The following NELL1 variants were observed in gnomAD, a reference collection of about 807,000 sequenced individuals.
The protein encoded by NELL1 is neural EGFL like 1, also known as protein kinase C-binding protein NELL1.
NELL1 carries 76 observed loss-of-function variants against 107.4 expected under a neutral mutation model. That is an observed-to-expected ratio of 0.71 (90% CI 0.59 to 0.86). NELL1 has a LOEUF of 0.86. Among genes scored for constraint, NELL1 ranks in the 40% least tolerant of loss-of-function variants. The pLI is 0.00. For missense variants in NELL1, 1,024 were observed against 1,005.5 expected (o/e 1.02, Z -0.25); for synonymous variants, 353 against 341.2 (o/e 1.03, Z -0.38).
intron 2 of NELL1, among the ~76,000 whole-genome samples, chr11:20,699,554 T>G (rs761930192): frequency 6.6e-6 from 1 of 152,040 alleles, no homozygotes; most frequent in Non-Finnish European, 1.5e-5. Context: ...GAGATGGAGT[T>G]TCACCATATT....
chr11:21,350,069 T>G (rs2133718462), intron 14 of NELL1, among the ~76,000 whole-genome samples: 1 of 152,236 alleles, frequency 6.6e-6, no homozygotes, highest in South Asian at 2.1e-4. Flanking sequence ...GCTTCAAACT[T>G]TTATATCCAG....
chr11:21,010,329 C>T (rs149917196), intron 12 of NELL1, among the ~76,000 whole-genome samples: 457 of 152,044 alleles, frequency 3.0e-3, no homozygotes, highest in African/African-American at 5.5e-3. Flanking sequence ...TTGCCTTTCT[C>T]TTATAGTGAG....
intron 14 of NELL1, among the ~76,000 whole-genome samples, chr11:21,311,922 T>G (rs776899290): frequency 2.0e-4 from 31 of 152,156 alleles, no homozygotes; most frequent in Non-Finnish European, 3.7e-4. Context: ...TGGGATGTGA[T>G]TAGGTTATAA....
intron 15 of NELL1, among the ~76,000 whole-genome samples, chr11:21,485,592 G>A (rs1011103093): frequency 4.0e-5 from 6 of 150,902 alleles, no homozygotes; most frequent in Middle Eastern, 6.9e-3. Flanking sequence ...CTGTAGGACC[G>A]AGGTGGGAGA....
chr11:21,255,387 G>C (rs1000401219), intron 14 of NELL1, among the ~76,000 whole-genome samples: 3 of 152,056 alleles, frequency 2.0e-5, no homozygotes, highest in African/African-American at 7.2e-5. Flanking sequence ...AAGGCAAATA[G>C]GCTTTTCTGC....
chr11:21,373,598 G>C (rs1461530696), intron 15 of NELL1, among the ~76,000 whole-genome samples: 2 of 151,992 alleles, frequency 1.3e-5, no homozygotes, highest in East Asian at 3.9e-4. Context: ...AGTACACTTA[G>C]TAAAATCAGT....
At chr11:21,456,360 T>C (rs1225531561) in intron 15 of NELL1, among the ~76,000 whole-genome samples, 5 of 152,064 alleles carry the variant, frequency 3.3e-5, no homozygotes, top group Non-Finnish European at 7.4e-5. Context: ...AATTTCCTGC[T>C]TGGGTTTTCA....
intron 4 of NELL1, among the ~76,000 whole-genome samples, chr11:20,876,654 A>G (rs1328508753): frequency 1.3e-5 from 2 of 152,008 alleles, no homozygotes; most frequent in African/African-American, 4.8e-5. Flanking sequence ...AGTCCCAGCT[A>G]CTTGGGAGGC....
At chr11:21,320,692 C>A (rs1044886242) in intron 14 of NELL1, among the ~76,000 whole-genome samples, 3 of 152,174 alleles carry the variant, frequency 2.0e-5, no homozygotes, top group Non-Finnish European at 4.4e-5. Context: ...AAAGCCCCCA[C>A]ATTTGGTTCC....
intron 12 of NELL1, among the ~76,000 whole-genome samples, chr11:21,064,048 G>T (rs770489210): frequency 1.1e-4 from 16 of 152,098 alleles, no homozygotes; most frequent in Non-Finnish European, 2.2e-4. Context: ...TCATGGAGAA[G>T]AATGTTTTAG....
chr11:21,136,060 T>C (rs893574341), intron 13 of NELL1, among the ~76,000 whole-genome samples: 1 of 152,192 alleles, frequency 6.6e-6, no homozygotes, highest in Admixed American at 6.5e-5. Flanking sequence ...GGTAAAGGAT[T>C]AGGAAATTAT....
intron 13 of NELL1, among the ~76,000 whole-genome samples, chr11:21,202,229 G>A (rs991363221): frequency 6.6e-6 from 1 of 152,204 alleles, no homozygotes; most frequent in African/African-American, 2.4e-5. Flanking sequence ...ACCTCTGGTA[G>A]AATTTGGCTG....
At chr11:20,729,828 G>T (rs947334984) in intron 2 of NELL1, among the ~76,000 whole-genome samples, 1 of 152,144 alleles carries the variant, frequency 6.6e-6, no homozygotes, top group Admixed American at 6.5e-5. Flanking sequence ...TGCTGTGGCG[G>T]TTGGGAAGGC....
intron 12 of NELL1, among the ~76,000 whole-genome samples, chr11:21,056,768 A>G (rs1027255178): frequency 3.9e-5 from 6 of 152,152 alleles, no homozygotes; most frequent in African/African-American, 7.2e-5. Context: ...ATATTTGCCA[A>G]TTCATAGAAG....
intron 5 of NELL1, among the ~76,000 whole-genome samples, chr11:20,886,641 G>A (rs947730109): frequency 6.6e-6 from 1 of 152,062 alleles, no homozygotes; most frequent in Admixed American, 6.6e-5. Context: ...TCACAGGTGG[G>A]AGTTGAACAA....
chr11:20,761,250 C>T (rs972557249), intron 2 of NELL1, among the ~76,000 whole-genome samples: 1 of 152,094 alleles, frequency 6.6e-6, no homozygotes, highest in Non-Finnish European at 1.5e-5. Context: ...TAAACTCACC[C>T]CCTCAGGAAC....
At chr11:20,813,348 G>A (rs1857545428) in intron 3 of NELL1, among the ~76,000 whole-genome samples, 1 of 152,084 alleles carries the variant, frequency 6.6e-6, no homozygotes, top group African/African-American at 2.4e-5. Context: ...CTGGAAAATA[G>A]GACAATACAT....
intron 16 of NELL1, among the ~76,000 whole-genome samples, chr11:21,541,576 C>G (rs543661879): frequency 3.7e-4 from 56 of 152,150 alleles, no homozygotes; most frequent in Admixed American, 5.9e-4. Context: ...TAAAAATGCT[C>G]TCAGTGACAA....
At chr11:21,526,896 G>A (rs1855868736) in intron 15 of NELL1, among the ~76,000 whole-genome samples, 1 of 152,162 alleles carries the variant, frequency 6.6e-6, no homozygotes, top group African/African-American at 2.4e-5. Context: ...CTGCTGGGAA[G>A]GTCTCTGACA....
Sources: gnomAD v4.1 joint callset for allele counts (sites outside exome capture counted in the v4.1 genomes callset) on GRCh38, gnomAD v4.1.1 for gene constraint, MANE v1.5 for transcripts, NCBI Gene and HGNC (gene_info 2026-07-23, HGNC 2026-07-21) for gene names.